UBXN7: variants seen among roughly 807,000 people sequenced by gnomAD.
The protein encoded by UBXN7 is UBX domain protein 7.
Under a neutral mutation model 58.0 loss-of-function variants are expected in UBXN7, and 9 were observed. The ratio of observed to expected loss-of-function variants is 0.16; its 90% CI spans 0.09 to 0.27. UBXN7 has a LOEUF of 0.27. Ranked by LOEUF, UBXN7 falls within the 10% of genes least tolerant of loss-of-function variation. The pLI is 1.00. For missense variants in UBXN7, 328 were observed against 599.6 expected (o/e 0.55, Z 4.73); for synonymous variants, 208 against 205.0 (o/e 1.01, Z -0.12).
At chr3:196,377,650 C>T (rs545455592) in intron 5 of UBXN7, among the ~76,000 whole-genome samples, 1 of 152,116 alleles carries the variant, frequency 6.6e-6, no homozygotes, top group East Asian at 1.9e-4. Context: ...TCTCTCCTTC[C>T]CTTATTGTAT....
intron 3 of UBXN7, among the ~76,000 whole-genome samples, chr3:196,394,315 C>T (rs1729696950): frequency 7.4e-6 from 1 of 134,264 alleles, no homozygotes; most frequent in Admixed American, 8.0e-5. Context: ...AGTTTACTAT[C>T]CTGGCCAGGC....
At chr3:196,428,219 C>A (rs1213491793) in intron 1 of UBXN7, among the ~76,000 whole-genome samples, 4 of 152,136 alleles carry the variant, frequency 2.6e-5, no homozygotes, top group Non-Finnish European at 5.9e-5. Context: ...AAGGTCATCA[C>A]TTCTCTTGGC....
intron 3 of UBXN7, chr3:196,397,383 C>G (rs1411831910): frequency 6.6e-6 from 1 of 152,220 alleles, no homozygotes; most frequent in African/African-American, 2.4e-5. Flanking sequence ...TCTGGATCTT[C>G]AGATCTGCTT....
chr3:196,362,878 T>TAC (rs1230454485), intron 8 of UBXN7, among the ~76,000 whole-genome samples, 191 bp from the exon 9 acceptor site: 89 of 152,034 alleles, frequency 5.9e-4, no homozygotes, highest in Middle Eastern at 3.4e-3. Context: ...TGTGTGTATA[T>TAC]ACACACACAC....
At chr3:196,358,177 G>C (rs1311440446) in intron 10 of UBXN7, among the ~76,000 whole-genome samples, 5 of 152,242 alleles carry the variant, frequency 3.3e-5, no homozygotes, top group Non-Finnish European at 7.3e-5. Context: ...CCAGTATGCA[G>C]AGAATGGTGT....
chr3:196,372,300 T>TTCTC (rs144595952), intron 5 of UBXN7, among the ~76,000 whole-genome samples: 15,922 of 133,448 alleles, frequency 0.12, 1,053 homozygotes, highest in Middle Eastern at 0.15. Flanking sequence ...TAATAGCTGA[T>TTCTC]TCTCTCTCTC....
At chr3:196,432,267 G>A (rs768716563) in intron 1 of UBXN7, 60 bp downstream of exon 1, 9 of 1,601,842 alleles carry the variant, frequency 5.6e-6, no homozygotes, top group African/African-American at 1.3e-5. Flanking sequence ...GGAAGCCCGG[G>A]GCAGACCCGC....
intron 1 of UBXN7, among the ~76,000 whole-genome samples, chr3:196,422,823 T>A (rs1351770524): frequency 6.6e-6 from 1 of 152,240 alleles, no homozygotes; most frequent in Non-Finnish European, 1.5e-5. Context: ...TTTTGGCAGC[T>A]TTATTTATAA....
At chr3:196,401,763 T>A (rs1729991669) in intron 3 of UBXN7, among the ~76,000 whole-genome samples, 2 of 104,590 alleles carry the variant, frequency 1.9e-5, no homozygotes, top group South Asian at 5.9e-4. Flanking sequence ...ACTCCATCTC[T>A]ATTTTAAAAA....
At chr3:196,415,360 G>A (rs1730449090) in intron 1 of UBXN7, among the ~76,000 whole-genome samples, 1 of 150,234 alleles carries the variant, frequency 6.7e-6, no homozygotes, top group Non-Finnish European at 1.5e-5. Context: ...CACCATGTTG[G>A]CTAGGATGGT....
intron 1 of UBXN7, chr3:196,414,685 C>T (rs1255917386): frequency 1.3e-5 from 2 of 152,230 alleles, no homozygotes; most frequent in Admixed American, 6.5e-5. Context: ...CCTCCTCACT[C>T]TGAAGCAGGA....
intron 1 of UBXN7, among the ~76,000 whole-genome samples, chr3:196,426,168 G>A (rs1730842077): frequency 6.6e-6 from 1 of 152,058 alleles, no homozygotes; most frequent in Admixed American, 6.6e-5. Flanking sequence ...TGGATCACCT[G>A]AGGTCAAGAG....
chr3:196,407,423 TAAAA>T lies in UBXN7; in HGVS notation c.74-34_74-31del, dbSNP rs74348613. ...AACAGTAAAAAGACAGGAAAAACGT[TAAAA>T]AAAAAAAAAAAAAAGACAGCCTCTT... On this transcript the variant is annotated intron_variant, in intron 1 of 10. Transcript: ENST00000296328. 1.3e-4 allele frequency: 177 copies of T among 1,354,680 alleles called. No individual in the cohort carries two copies. In the Admixed American group the frequency reaches 1.5e-3, roughly 12 times the overall value. The allele number at this position is 1,354,680 out of a possible 1,614,324, so 83.9% of individuals were successfully genotyped here.
intron 5 of UBXN7, among the ~76,000 whole-genome samples, chr3:196,376,808 G>A (rs990821238): frequency 6.6e-6 from 1 of 151,808 alleles, no homozygotes; most frequent in Non-Finnish European, 1.5e-5. Context: ...AACTCTGGGA[G>A]GCCAAGGCTG....
chr3:196,365,283 AAAG>A (rs1728633338), intron 8 of UBXN7, among the ~76,000 whole-genome samples: 1 of 151,930 alleles, frequency 6.6e-6, no homozygotes, highest in Admixed American at 6.6e-5. Flanking sequence ...ACATCCAGGA[AAAG>A]AAAATAAAAT....
intron 1 of UBXN7, among the ~76,000 whole-genome samples, chr3:196,417,085 G>A (rs533708521): frequency 5.0e-4 from 76 of 152,230 alleles, no homozygotes; most frequent in Non-Finnish European, 8.7e-4. Flanking sequence ...GGGCCGAGGC[G>A]GGCGGATCAC....
rs553776194 is a variant in UBXN7, at chr3:196,348,299, C to T, written c.*8386G>A. On this transcript the variant is annotated 3_prime_UTR_variant, in exon 11 of 11. Coordinates refer to ENST00000296328, the MANE Select transcript of UBXN7 (RefSeq NM_015562.2). ...TGCTCAACAATCCCAAAGACTTCTT[C>T]CCACCACTGAGAAGAGCTGCAGAAA... The T allele has an allele frequency of 7.9e-4, 120 of 152,166 alleles. 1 individual carries two copies. The highest frequency in any genetic ancestry group is 2.6e-3 in the African/African-American group (108 of 41,474). 9.4% of individuals were successfully genotyped at this position (152,166 alleles called of 1,614,324 possible). A position where few individuals can be genotyped will look rare whatever the true frequency, so the allele number is the denominator to read the frequency against.
At chr3:196,429,685 A>C (rs1461888611) in intron 1 of UBXN7, among the ~76,000 whole-genome samples, 4 of 152,318 alleles carry the variant, frequency 2.6e-5, no homozygotes, top group African/African-American at 7.2e-5. Context: ...ACCCCAAAAA[A>C]ATTTTAAGAC....
chr3:196,364,662 T>C (rs1728606264), intron 8 of UBXN7, among the ~76,000 whole-genome samples: 1 of 150,606 alleles, frequency 6.6e-6, no homozygotes, highest in African/African-American at 2.4e-5. Context: ...CAGGCAATCA[T>C]GTAGCAAAAA....
Sources: gnomAD v4.1 joint callset for allele counts (sites outside exome capture counted in the v4.1 genomes callset) on GRCh38, gnomAD v4.1.1 for gene constraint, MANE v1.5 for transcripts, NCBI Gene and HGNC (gene_info 2026-07-23, HGNC 2026-07-21) for gene names.